Variants in NTM observed in about 807,000 individuals in gnomAD.
The protein encoded by NTM is IgLON family member 2.
NTM carries 13 observed loss-of-function variants against 42.1 expected under a neutral mutation model. The ratio of observed to expected loss-of-function variants is 0.31; its 90% CI spans 0.20 to 0.49. The LOEUF is 0.49. NTM is among the 20% of genes least tolerant of loss of function. The probability of loss-of-function intolerance (pLI) is 0.99; values close to 1 mark genes in which losing one functional copy is unlikely to be tolerated. For synonymous variants in NTM, 187 were observed against 179.2 expected (o/e 1.04, Z -0.35); for missense variants, 373 against 452.8 (o/e 0.82, Z 1.60).
intron 1 of NTM, among the ~76,000 whole-genome samples, chr11:131,772,701 G>T (rs2086304148): frequency 6.6e-6 from 1 of 152,154 alleles, no homozygotes; most frequent in Non-Finnish European, 1.5e-5. Context: ...CCCCCAGCCT[G>T]AACATAAGGA....
At chr11:131,537,481 A>AG (rs1330735296) in intron 1 of NTM, 2 of 152,246 alleles carry the variant, frequency 1.3e-5, no homozygotes, top group African/African-American at 4.8e-5. Flanking sequence ...ACCTCCTCCC[A>AG]GGTGCCATCT....
intron 1 of NTM, among the ~76,000 whole-genome samples, chr11:131,449,211 T>C (rs982655261): frequency 6.6e-6 from 1 of 152,130 alleles, no homozygotes; most frequent in Non-Finnish European, 1.5e-5. Context: ...GTGCAGTAAC[T>C]CATGCATGAG....
At chr11:131,756,945 G>A (rs777140808) in intron 1 of NTM, among the ~76,000 whole-genome samples, 2 of 152,116 alleles carry the variant, frequency 1.3e-5, no homozygotes, top group East Asian at 3.9e-4. Flanking sequence ...GTTTAGAAAC[G>A]GGATCCAGCA....
In NTM at chr11:131,980,351, C is replaced by G. The variant is rs146499269; in HGVS notation, c.167+68703C>G. ...TTTTTATTGCCCAATAGAATTCAACCTGGTTGTGATTATCCCATTGGTCCT... is the reference window on the plus strand; with the variant it reads ...TTTTTATTGCCCAATAGAATTCAACGTGGTTGTGATTATCCCATTGGTCCT... On this transcript the variant is annotated intron_variant, in intron 2 of 8. Transcript: ENST00000683400. Among the ~76,000 whole-genome samples, 34 of 152,268 alleles carry G rather than the reference C, an allele frequency of 2.2e-4. 1 individual carries two copies. In the East Asian group the frequency reaches 6.6e-3, roughly 29 times the overall value.
chr11:131,944,421 A>G (rs1261250580), intron 2 of NTM, among the ~76,000 whole-genome samples: 1 of 152,236 alleles, frequency 6.6e-6, no homozygotes, highest in South Asian at 2.1e-4. Flanking sequence ...CATGCACAAA[A>G]CATAGGGAAC....
intron 1 of NTM, among the ~76,000 whole-genome samples, chr11:131,669,083 G>A (rs1254828707): frequency 2.6e-5 from 4 of 152,124 alleles, no homozygotes; most frequent in African/African-American, 9.7e-5. Flanking sequence ...TCCCTGTCCC[G>A]GTTTCTCTGT....
At chr11:132,059,228 C>T (rs778831338) in intron 2 of NTM, among the ~76,000 whole-genome samples, 16 of 152,136 alleles carry the variant, frequency 1.1e-4, no homozygotes, top group Non-Finnish European at 1.6e-4. Flanking sequence ...AGGAGCTTGT[C>T]GGACACATGG....
At chr11:132,054,249 C>T (rs1594161056) in intron 2 of NTM, among the ~76,000 whole-genome samples, 1 of 152,246 alleles carries the variant, frequency 6.6e-6, no homozygotes, top group East Asian at 1.9e-4. Flanking sequence ...AATATTGTTT[C>T]CACAGTGCAG....
At chr11:132,192,047 C>A (rs1386559094) in intron 3 of NTM, among the ~76,000 whole-genome samples, 1 of 152,096 alleles carries the variant, frequency 6.6e-6, no homozygotes, top group Non-Finnish European at 1.5e-5. Flanking sequence ...AACTCATTGG[C>A]ATTCCTGAAA....
At chr11:131,884,239 A>G (rs1040439525) in intron 1 of NTM, among the ~76,000 whole-genome samples, 3 of 151,964 alleles carry the variant, frequency 2.0e-5, no homozygotes, top group Non-Finnish European at 4.4e-5. Flanking sequence ...GAGAAACCCT[A>G]TCTCTACTAA....
chr11:131,654,568 TG>T (rs1341306724), intron 1 of NTM, among the ~76,000 whole-genome samples: 1 of 152,144 alleles, frequency 6.6e-6, no homozygotes, highest in Non-Finnish European at 1.5e-5. Context: ...CATGCTGAAA[TG>T]TGACCCCCAA....
rs112334340 is a variant in NTM at position 131,794,870 on chromosome 11, A to G, written c.83-116694A>G. ...AGCTGCCATAGGTAACGGCCTCCAC[A>G]GAGAATATATGATGGCCACCCTTGT... On this transcript the variant is annotated intron_variant, in intron 1 of 8. Coordinates refer to ENST00000683400, the MANE Select transcript of NTM (RefSeq NM_001352005.2). 4.4e-4 allele frequency: 434 copies of G among 985,284 alleles called. 4 individuals are homozygous for G. The African/African-American group carries it at 6.6e-3, about 15-fold the overall frequency. The allele number at this position is 985,284 out of a possible 1,614,324, so 61.0% of individuals were successfully genotyped here. A position where few individuals can be genotyped will look rare whatever the true frequency, so the allele number is the denominator to read the frequency against.
At chr11:132,322,194 TA>T (rs1289970777) in intron 7 of NTM, among the ~76,000 whole-genome samples, 10 of 151,890 alleles carry the variant, frequency 6.6e-5, no homozygotes, top group Non-Finnish European at 1.0e-4. Context: ...ACTTTAAATG[TA>T]AATGGACTAA....
At chr11:131,645,315 T>C (rs1369914183) in intron 1 of NTM, among the ~76,000 whole-genome samples, 1 of 152,136 alleles carries the variant, frequency 6.6e-6, no homozygotes, top group Non-Finnish European at 1.5e-5. Flanking sequence ...GGGTCTCCTT[T>C]CTCCTCGCCG....
At chr11:132,232,702 C>T (rs1488606990) in intron 4 of NTM, among the ~76,000 whole-genome samples, 2 of 152,192 alleles carry the variant, frequency 1.3e-5, no homozygotes, top group African/African-American at 4.8e-5. Context: ...AACATGAACA[C>T]ATTACGCACA....
chr11:131,620,974 C>T (rs779188705), intron 1 of NTM, among the ~76,000 whole-genome samples: 5 of 152,136 alleles, frequency 3.3e-5, no homozygotes, highest in Admixed American at 6.5e-5. Context: ...TTACGCTAAC[C>T]GGTGCAGCAC....
At chr11:132,195,403 A>T (rs572873921) in intron 3 of NTM, among the ~76,000 whole-genome samples, 1 of 152,122 alleles carries the variant, frequency 6.6e-6, no homozygotes. Context: ...TGTAATTCCT[A>T]TCAAACTACT....
intron 7 of NTM, chr11:132,315,028 A>G: frequency 3.6e-6 from 4 of 1,102,986 alleles, no homozygotes; most frequent in East Asian, 1.0e-4. Context: ...CTATAATGGA[A>G]AAGATCCCGA....
chr11:131,826,502 T>C (rs2042143380), intron 1 of NTM, among the ~76,000 whole-genome samples: 1 of 150,962 alleles, frequency 6.6e-6, no homozygotes, highest in African/African-American at 2.4e-5. Flanking sequence ...CAGACGGCAG[T>C]GTCCTCAGTA....
Sources: gnomAD v4.1 joint callset for allele counts (sites outside exome capture counted in the v4.1 genomes callset) on GRCh38, gnomAD v4.1.1 for gene constraint, MANE v1.5 for transcripts, NCBI Gene and HGNC (gene_info 2026-07-23, HGNC 2026-07-21) for gene names.